Variants in RICTOR observed in about 807,000 individuals in gnomAD.
RICTOR encodes rapamycin-insensitive companion of mTOR.
A neutral mutation model predicts 214.9 loss-of-function variants in RICTOR; 49 were observed. The observed-to-expected ratio is 0.23, with a 90% CI of 0.18 to 0.29. The LOEUF is 0.29. RICTOR is among the 10% of genes least tolerant of loss of function. The pLI is 1.00. For synonymous variants in RICTOR, 717 were observed against 711.3 expected (o/e 1.01, Z -0.13); for missense variants, 1,625 against 2,047.0 (o/e 0.79, Z 3.98).
In RICTOR at chr5:38,978,710, T is replaced by G. The variant is rs1751439151; in HGVS notation, c.754-60A>C. Reference sequence around the variant, plus strand: ...ATTTTAAAATGCATCCTTCCTGCATTTTATGGAATGTAACATTCCATTTCT... The same window carrying G: ...ATTTTAAAATGCATCCTTCCTGCATGTTATGGAATGTAACATTCCATTTCT... On this transcript the variant is annotated intron_variant, in intron 8 of 37. Transcript: ENST00000357387. 4.9e-6 allele frequency: 4 copies of G among 813,092 alleles called. No individual in the cohort carries two copies. In the South Asian group the frequency reaches 6.4e-5, roughly 13 times the overall value. 50.4% of individuals were successfully genotyped at this position (813,092 alleles called of 1,614,324 possible). A position where few individuals can be genotyped will look rare whatever the true frequency, so the allele number is the denominator to read the frequency against.
chr5:39,006,741 AGGAGG>A (rs1288319442), intron 3 of RICTOR, among the ~76,000 whole-genome samples: 34 of 34,888 alleles, frequency 9.7e-4, no homozygotes, highest in South Asian at 4.4e-3. Context: ...AGGAGGGGAG[AGGAGG>A]GGAGAGGAGG....
chr5:38,960,033 G>T, intron 20 of RICTOR, 55 bp from the exon 21 acceptor site: 2 of 1,228,072 alleles, frequency 1.6e-6, no homozygotes, highest in Non-Finnish European at 2.4e-6. Context: ...TCTGTAATTA[G>T]AAAATCAACT....
At chr5:38,982,983 C>A (rs1751846084) in intron 7 of RICTOR, among the ~76,000 whole-genome samples, 1 of 151,950 alleles carries the variant, frequency 6.6e-6, no homozygotes. Flanking sequence ...TAAAATGAGG[C>A]ATAATTACAT....
intron 3 of RICTOR, among the ~76,000 whole-genome samples, chr5:39,012,993 T>A (rs1754661362): frequency 6.6e-6 from 1 of 152,158 alleles, no homozygotes; most frequent in Non-Finnish European, 1.5e-5. Flanking sequence ...AAAGTGTTTA[T>A]CTGAGAATGA....
chr5:39,052,501 A>G (rs760138504), intron 2 of RICTOR, among the ~76,000 whole-genome samples: 3 of 152,222 alleles, frequency 2.0e-5, no homozygotes, highest in Admixed American at 2.0e-4. Flanking sequence ...TCATAATCCT[A>G]GGGTTATCTG....
intron 5 of RICTOR, 119 bp from the exon 6 acceptor site, chr5:38,997,001 T>C (rs1178397527): frequency 5.7e-6 from 4 of 704,018 alleles, no homozygotes; most frequent in South Asian, 1.7e-5. Flanking sequence ...ATTGTTTTGG[T>C]ATATGATTTC....
chr5:39,041,521 GGA>G (rs1374264910), intron 2 of RICTOR, among the ~76,000 whole-genome samples: 1 of 152,122 alleles, frequency 6.6e-6, no homozygotes, highest in Non-Finnish European at 1.5e-5. Flanking sequence ...CTGCAGAAGA[GGA>G]GAAAGGCAAG....
intron 2 of RICTOR, among the ~76,000 whole-genome samples, chr5:39,054,056 T>C (rs1580202008): frequency 6.6e-6 from 1 of 152,092 alleles, no homozygotes; most frequent in East Asian, 1.9e-4. Context: ...CGCTCCAGCC[T>C]GGGCTACGGT....
intron 16 of RICTOR, 60 bp from the exon 17 acceptor site, chr5:38,963,101 C>A: frequency 1.7e-6 from 2 of 1,181,232 alleles, no homozygotes; most frequent in Non-Finnish European, 2.4e-6. Flanking sequence ...TAAGAGATTA[C>A]CTTGGTAAAT....
At chr5:38,957,328 C>A (rs192112055) in intron 25 of RICTOR, among the ~76,000 whole-genome samples, 314 of 152,016 alleles carry the variant, frequency 2.1e-3, no homozygotes, top group African/African-American at 7.3e-3. Flanking sequence ...AAGTTGTAGG[C>A]CATATTAAGG....
chr5:39,058,906 C>CA (rs1349556313), intron 2 of RICTOR, among the ~76,000 whole-genome samples: 1 of 151,520 alleles, frequency 6.6e-6, no homozygotes, highest in South Asian at 2.1e-4. Flanking sequence ...AACAGTCATT[C>CA]AAAAAAAAGT....
intron 30 of RICTOR, 79 bp from the exon 31 acceptor site, chr5:38,950,799 G>A (rs1004894031): frequency 3.1e-6 from 4 of 1,294,528 alleles, no homozygotes; most frequent in South Asian, 1.8e-5. Context: ...TCACATTTCA[G>A]GAAATTTTTT....
Position 38,959,778 on chromosome 5 carries a change from C to T in RICTOR, c.2051+1G>A, listed in dbSNP as rs1442329529. ...TTGCAACAAAATCTGGGAATGCTCA[C>T]CACTGAAATACACTGCATTTTTCCA... On this transcript the variant is annotated splice_donor_variant, in intron 21 of 37. Transcript: ENST00000357387. LOFTEE classifies it high-confidence loss of function. 1 of 1,605,662 alleles carries T rather than the reference C, an allele frequency of 6.2e-7. No individual in the cohort carries two copies. Among genetic ancestry groups the T allele is most frequent in the Non-Finnish European group, 8.5e-7 (1 of 1,172,504 alleles).
At chr5:39,028,477 C>T (rs1756024236) in intron 2 of RICTOR, among the ~76,000 whole-genome samples, 1 of 152,118 alleles carries the variant, frequency 6.6e-6, no homozygotes, top group South Asian at 2.1e-4. Flanking sequence ...CCACCGCGCC[C>T]GGCCTGGAAT....
At chr5:39,020,946 A>T (rs1378991984) in intron 3 of RICTOR, 93 bp downstream of exon 3, 1 of 747,298 alleles carries the variant, frequency 1.3e-6, no homozygotes, top group African/African-American at 1.7e-5. Flanking sequence ...GTGAATACAC[A>T]AGAATTTGTA....
chr5:39,003,170 A>T (rs544826043), intron 4 of RICTOR, among the ~76,000 whole-genome samples: 1 of 152,136 alleles, frequency 6.6e-6, no homozygotes, highest in African/African-American at 2.4e-5. Flanking sequence ...AAGCCATATA[A>T]CATGCCTCTA....
chr5:39,013,718 C>G (rs983710851), intron 3 of RICTOR, among the ~76,000 whole-genome samples: 4 of 151,956 alleles, frequency 2.6e-5, no homozygotes, highest in Non-Finnish European at 4.4e-5. Flanking sequence ...CACACACACA[C>G]AGAGCTACAA....
chr5:38,994,544 C>T (rs1044552549), intron 6 of RICTOR, among the ~76,000 whole-genome samples: 5 of 150,558 alleles, frequency 3.3e-5, no homozygotes, highest in African/African-American at 9.7e-5. Flanking sequence ...TCACTCTAAC[C>T]CTTTTAGCAT....
At chr5:39,021,763 T>G (rs971245689) in intron 2 of RICTOR, among the ~76,000 whole-genome samples, 2 of 152,152 alleles carry the variant, frequency 1.3e-5, no homozygotes, top group African/African-American at 4.8e-5. Context: ...CTCTGTATTT[T>G]ATAAATCTCC....
Sources: allele counts gnomAD v4.1 joint callset (sites outside exome capture counted in the v4.1 genomes callset), GRCh38; gene constraint gnomAD v4.1.1; transcripts MANE v1.5; gene names NCBI Gene and HGNC (gene_info 2026-07-23, HGNC 2026-07-21).